Variants in NRG3 observed in about 807,000 individuals in gnomAD.
NRG3 encodes the protein neuregulin 3.
NRG3 carries 31 observed loss-of-function variants against 66.9 expected under a neutral mutation model. That is an observed-to-expected ratio of 0.46 (90% CI 0.35 to 0.63). The LOEUF is 0.63. NRG3 is among the 20% of genes least tolerant of loss of function. The pLI is 0.00. For synonymous variants in NRG3, 393 were observed against 359.4 expected (o/e 1.09, Z -1.06); for missense variants, 910 against 878.9 (o/e 1.04, Z -0.45).
chr10:82,450,046 T>TGGAGTG (rs2090944612), intron 2 of NRG3, among the ~76,000 whole-genome samples: 1 of 152,164 alleles, frequency 6.6e-6, no homozygotes, highest in Non-Finnish European at 1.5e-5. Context: ...CATGACAGAG[T>TGGAGTG]GGAGTGGTCT....
At chr10:82,087,452 T>A (rs76799894) in intron 1 of NRG3, among the ~76,000 whole-genome samples, 4,163 of 152,156 alleles carry the variant, frequency 0.027, 90 homozygotes, top group Non-Finnish European at 0.04. Context: ...ATACATGCCG[T>A]ATACACTCCA....
chr10:82,235,121 G>A (rs556744710), intron 1 of NRG3, among the ~76,000 whole-genome samples: 36 of 152,356 alleles, frequency 2.4e-4, no homozygotes, highest in Non-Finnish European at 4.7e-4. Context: ...TAGGGCAGGG[G>A]TTGGCCAGCA....
At chr10:82,947,274 T>A (rs1849112981) in intron 4 of NRG3, among the ~76,000 whole-genome samples, 1 of 152,216 alleles carries the variant, frequency 6.6e-6, no homozygotes, top group Admixed American at 6.5e-5. Flanking sequence ...CATATTGTAG[T>A]TTCTATCAAT....
intron 4 of NRG3, among the ~76,000 whole-genome samples, chr10:82,917,346 G>T (rs1845938352): frequency 6.6e-6 from 1 of 152,064 alleles, no homozygotes; most frequent in African/African-American, 2.4e-5. Flanking sequence ...CAGTGGCTAT[G>T]AAAAAGCCTT....
chr10:82,170,696 A>ATG (rs2072537022), intron 1 of NRG3, among the ~76,000 whole-genome samples: 1 of 129,424 alleles, frequency 7.7e-6, no homozygotes, highest in East Asian at 2.3e-4. Flanking sequence ...ATATATATAT[A>ATG]TGTAAATATA....
intron 1 of NRG3, among the ~76,000 whole-genome samples, chr10:82,239,697 C>T (rs142355992): frequency 2.0e-3 from 306 of 152,122 alleles, no homozygotes; most frequent in African/African-American, 7.2e-3. Context: ...AAAAGTTCTT[C>T]ACTTCCTCCA....
intron 3 of NRG3, among the ~76,000 whole-genome samples, chr10:82,861,620 A>C (rs1196043583): frequency 1.3e-5 from 2 of 152,222 alleles, no homozygotes; most frequent in Admixed American, 1.3e-4. Flanking sequence ...CCGGAGGCAG[A>C]GCATTGAAGT....
At chr10:81,903,765 A>G (rs1348777717) in intron 1 of NRG3, among the ~76,000 whole-genome samples, 1 of 152,172 alleles carries the variant, frequency 6.6e-6, no homozygotes, top group Non-Finnish European at 1.5e-5. Context: ...AGAGTTAAAG[A>G]AAACAAACAT....
chr10:82,754,793 A>G (rs1015955069), intron 3 of NRG3, among the ~76,000 whole-genome samples: 8 of 152,104 alleles, frequency 5.3e-5, no homozygotes, highest in African/African-American at 1.9e-4. Context: ...ATACTACTTA[A>G]ACATAAAAAA....
At chr10:82,790,505 A>G (rs1172795157) in intron 3 of NRG3, among the ~76,000 whole-genome samples, 5 of 151,756 alleles carry the variant, frequency 3.3e-5, no homozygotes, top group African/African-American at 4.8e-5. Context: ...CAATTCTCTC[A>G]TTGTATGTGT....
At chr10:82,736,180 T>A (rs754939852) in intron 2 of NRG3, among the ~76,000 whole-genome samples, 8 of 152,104 alleles carry the variant, frequency 5.3e-5, no homozygotes, top group Non-Finnish European at 1.0e-4. Flanking sequence ...AGCAATGCAA[T>A]AATATTTCTC....
chr10:82,118,859 A>G (rs2067896742), intron 1 of NRG3, among the ~76,000 whole-genome samples: 1 of 152,156 alleles, frequency 6.6e-6, no homozygotes, highest in African/African-American at 2.4e-5. Flanking sequence ...GGAATCCCAT[A>G]GACTGATCAT....
rs75488287 is a variant in NRG3 at position 82,156,941 on chromosome 10, T to C, written c.824-201798T>C. Among the ~76,000 whole-genome samples the C allele has an allele frequency of 5.8e-3, 886 of 151,806 alleles. 12 individuals are homozygous for C. Among genetic ancestry groups the C allele is most frequent in the African/African-American group, 0.02 (838 of 41,518 alleles). ...GGGGTTCCCATGGCAACAATGGAGCTTATAATTTTTAATTTATTGCTTAAT... is the reference window on the plus strand; with the variant it reads ...GGGGTTCCCATGGCAACAATGGAGCCTATAATTTTTAATTTATTGCTTAAT... On this transcript the variant is annotated intron_variant, in intron 1 of 8. Transcript: ENST00000372141.
chr10:81,930,586 C>G (rs1417413013), intron 1 of NRG3, among the ~76,000 whole-genome samples: 4 of 151,952 alleles, frequency 2.6e-5, no homozygotes, highest in African/African-American at 9.7e-5. Context: ...AAACGACTCT[C>G]CAGGAGAACA....
chr10:82,745,415 T>A (rs2058601553), intron 3 of NRG3, among the ~76,000 whole-genome samples: 1 of 152,174 alleles, frequency 6.6e-6, no homozygotes, highest in Non-Finnish European at 1.5e-5. Context: ...TCCATACAGA[T>A]GAAAGAATGT....
intron 2 of NRG3, among the ~76,000 whole-genome samples, chr10:82,413,917 T>C (rs2088320628): frequency 6.6e-6 from 1 of 152,158 alleles, no homozygotes; most frequent in African/African-American, 2.4e-5. Flanking sequence ...TGGATAAAGC[T>C]TTGGTTTAGG....
At chr10:81,933,053 AG>A (rs1847528131) in intron 1 of NRG3, among the ~76,000 whole-genome samples, 1 of 150,180 alleles carries the variant, frequency 6.7e-6, no homozygotes, top group Non-Finnish European at 1.5e-5. Context: ...GGTTGCAGTG[AG>A]CTGAGATCGT....
intron 1 of NRG3, among the ~76,000 whole-genome samples, chr10:82,196,581 T>C (rs541369219): frequency 6.6e-6 from 1 of 152,172 alleles, no homozygotes; most frequent in Non-Finnish European, 1.5e-5. Flanking sequence ...TGCTAAAAGG[T>C]AATAATAAAA....
At chr10:82,549,604 T>A (rs1478381092) in intron 2 of NRG3, among the ~76,000 whole-genome samples, 1 of 152,204 alleles carries the variant, frequency 6.6e-6, no homozygotes, top group Non-Finnish European at 1.5e-5. Context: ...CTATTATCAC[T>A]ATCTGTTACA....
Sources: gnomAD v4.1 joint callset for allele counts (sites outside exome capture counted in the v4.1 genomes callset) on GRCh38, gnomAD v4.1.1 for gene constraint, MANE v1.5 for transcripts, NCBI Gene and HGNC (gene_info 2026-07-23, HGNC 2026-07-21) for gene names.